SOX6: variants seen among roughly 807,000 people sequenced by gnomAD.
The protein encoded by SOX6 is transcription factor SOX-6.
Under a neutral mutation model 97.8 loss-of-function variants are expected in SOX6, and 11 were observed. The observed-to-expected ratio is 0.11, with a 90% CI of 0.07 to 0.19. The LOEUF (loss-of-function observed/expected upper bound fraction) is 0.19. Ranked by LOEUF, SOX6 falls within the 10% of genes least tolerant of loss-of-function variation. The pLI is 1.00. For synonymous variants in SOX6, 360 were observed against 371.4 expected, an observed-to-expected ratio of 0.97 and a Z score of 0.35; for missense variants, 810 against 1,039.5, an observed-to-expected ratio of 0.78 and a Z score of 3.04.
intron 3 of SOX6, among the ~76,000 whole-genome samples, chr11:16,696,320 GTC>G (rs1433205342): frequency 8.5e-5 from 13 of 152,114 alleles, no homozygotes; most frequent in African/African-American, 2.9e-4. Flanking sequence ...GTGTCATCTA[GTC>G]TCTCTGAGCT....
In SOX6 at chr11:16,658,702, C is replaced by T. The variant is rs1255855469; in HGVS notation, n.430-46442G>A. On this transcript the variant is annotated intron_variant and non_coding_transcript_variant, in intron 3 of 5. Transcript: ENST00000524520. Reference sequence around the variant, plus strand: ...CAGCCTGGGCAACAGAGAGAGACTCCGTCTCAAAAAAAAAAAAATGTTCTC... The same window carrying T: ...CAGCCTGGGCAACAGAGAGAGACTCTGTCTCAAAAAAAAAAAAATGTTCTC... Among the ~76,000 whole-genome samples, 6 of 138,230 alleles carry T rather than the reference C, an allele frequency of 4.3e-5. No individual in the cohort carries two copies. In the South Asian group the frequency reaches 1.4e-3, roughly 32 times the overall value. The allele number at this position is 138,230 out of a possible 152,430, so 90.7% of individuals were successfully genotyped here. A position where few individuals can be genotyped will look rare whatever the true frequency, so the allele number is the denominator to read the frequency against.
At chr11:16,340,042 A>G (rs1856583300) in intron 2 of SOX6, among the ~76,000 whole-genome samples, 2 of 152,202 alleles carry the variant, frequency 1.3e-5, no homozygotes, top group South Asian at 4.2e-4. Context: ...CTGCAAAATC[A>G]TCTGAAAAAG....
At chr11:16,333,006 G>A (rs1035306519) in intron 2 of SOX6, among the ~76,000 whole-genome samples, 6 of 152,196 alleles carry the variant, frequency 3.9e-5, no homozygotes, top group African/African-American at 1.4e-4. Flanking sequence ...AGGGAACAGA[G>A]TAGGGTCTTT....
intron 4 of SOX6, among the ~76,000 whole-genome samples, chr11:16,585,673 T>C (rs1319230179): frequency 8.4e-6 from 1 of 118,776 alleles, no homozygotes; most frequent in African/African-American, 3.2e-5. Flanking sequence ...AGAATTTTTT[T>C]TTTTTTACTT....
intron 4 of SOX6, among the ~76,000 whole-genome samples, chr11:16,225,138 TAAC>T (rs1032936160): frequency 5.3e-5 from 8 of 152,146 alleles, no homozygotes; most frequent in South Asian, 2.1e-4. Context: ...ATTATAGAAA[TAAC>T]AATTTATATT....
chr11:16,073,654 C>T (rs766584553), intron 9 of SOX6, among the ~76,000 whole-genome samples: 7 of 152,286 alleles, frequency 4.6e-5, no homozygotes, highest in Middle Eastern at 3.4e-3. Context: ...CTCATCTGTA[C>T]ATGGCAGATA....
intron 13 of SOX6, among the ~76,000 whole-genome samples, chr11:15,996,979 T>C (rs1468574093): frequency 6.6e-6 from 1 of 151,942 alleles, no homozygotes; most frequent in Non-Finnish European, 1.5e-5. Context: ...AATTAATAAA[T>C]CCTAAGTAAG....
chr11:16,117,411 G>C, intron 6 of SOX6, among the ~76,000 whole-genome samples: 1 of 151,900 alleles, frequency 6.6e-6, no homozygotes, highest in East Asian at 1.9e-4. Context: ...GGCAACGAGG[G>C]TCTATCAATA....
Position 16,125,816 on chromosome 11 carries a change from TAGGAAGGAAGGAAGGAAGGA to T in SOX6, c.778-13913_778-13894del, listed in dbSNP as rs3085337. ...CTTTCACATGTTCTTAAAGAAATCA[TAGGAAGGAAGGAAGGAAGGA>T]AGGAAGGAAGGAAGGAAGGAAGGAA... On this transcript the variant is annotated intron_variant, in intron 6 of 15. Coordinates refer to ENST00000683767, the MANE Select transcript of SOX6 (RefSeq NM_001367873.1). Among the ~76,000 whole-genome samples the T allele has an allele frequency of 4.7e-4, 47 of 99,656 alleles. 1 individual carries two copies. The highest frequency in any genetic ancestry group is 1.3e-3 in the African/African-American group (35 of 26,474). 65.4% of individuals were successfully genotyped at this position (99,656 alleles called of 152,430 possible).
intron 12 of SOX6, among the ~76,000 whole-genome samples, chr11:16,037,584 T>C (rs895251799): frequency 6.6e-6 from 1 of 152,174 alleles, no homozygotes; most frequent in Non-Finnish European, 1.5e-5. Flanking sequence ...CTTTTTGATA[T>C]AACCTGTAAT....
At chr11:16,699,053 G>T (rs1848074062) in intron 3 of SOX6, among the ~76,000 whole-genome samples, 1 of 152,172 alleles carries the variant, frequency 6.6e-6, no homozygotes, top group Non-Finnish European at 1.5e-5. Context: ...CCTTCAATTT[G>T]CAAAAGATGC....
At chr11:16,144,255 G>T (rs185027493) in intron 6 of SOX6, among the ~76,000 whole-genome samples, 461 of 152,230 alleles carry the variant, frequency 3.0e-3, no homozygotes, top group Non-Finnish European at 5.1e-3. Context: ...ATGACTGCTG[G>T]GTACATAAGG....
chr11:16,522,439 T>C (rs1324629885), intron 4 of SOX6, among the ~76,000 whole-genome samples: 1 of 151,990 alleles, frequency 6.6e-6, no homozygotes, highest in Admixed American at 6.5e-5. Flanking sequence ...CTGAGAGATT[T>C]TGTCATCACC....
intron 3 of SOX6, chr11:16,315,345 A>C (rs1282910443): frequency 6.6e-6 from 1 of 152,172 alleles, no homozygotes. Flanking sequence ...CAGAAAGAAA[A>C]ATTAAGAATC....
chr11:16,457,432 C>A (rs1488538537), intron 1 of SOX6, among the ~76,000 whole-genome samples: 1 of 152,014 alleles, frequency 6.6e-6, no homozygotes, highest in East Asian at 1.9e-4. Flanking sequence ...CTTTCCTCAT[C>A]AGAAGATAGA....
intron 3 of SOX6, among the ~76,000 whole-genome samples, chr11:16,661,293 G>A (rs922111177): frequency 6.6e-6 from 1 of 151,950 alleles, no homozygotes; most frequent in Non-Finnish European, 1.5e-5. Context: ...GTGTTAGTAC[G>A]GTATATCTTT....
chr11:16,430,196 C>A (rs551945278), intron 1 of SOX6, among the ~76,000 whole-genome samples: 2 of 152,134 alleles, frequency 1.3e-5, no homozygotes, highest in Admixed American at 6.6e-5. Flanking sequence ...CCGACCCCAG[C>A]CCTTTTACTT....
chr11:16,023,568 T>A (rs1055020059), intron 12 of SOX6, among the ~76,000 whole-genome samples: 1 of 152,152 alleles, frequency 6.6e-6, no homozygotes, highest in African/African-American at 2.4e-5. Flanking sequence ...CCCAGAGCTG[T>A]GATACAGAAA....
At chr11:16,182,097 A>G (rs1281978082) in intron 6 of SOX6, among the ~76,000 whole-genome samples, 1 of 151,818 alleles carries the variant, frequency 6.6e-6, no homozygotes, top group African/African-American at 2.4e-5. Flanking sequence ...ATCATATATA[A>G]GTAATACACA....
Sources: gnomAD v4.1 joint callset for allele counts (sites outside exome capture counted in the v4.1 genomes callset) on GRCh38, gnomAD v4.1.1 for gene constraint, MANE v1.5 for transcripts, NCBI Gene and HGNC (gene_info 2026-07-23, HGNC 2026-07-21) for gene names.